MYO3B: variants seen among roughly 807,000 people sequenced by gnomAD.
The protein encoded by MYO3B is myosin IIIB.
A neutral mutation model predicts 174.6 loss-of-function variants in MYO3B; 156 were observed. The ratio of observed to expected loss-of-function variants is 0.89; its 90% confidence interval spans 0.78 to 1.02. The LOEUF (loss-of-function observed/expected upper bound fraction) is 1.02, where lower values mean the gene tolerates loss of function less well. Among genes scored for constraint, MYO3B ranks in the 50% least tolerant of loss-of-function variants. MYO3B has a pLI of 0.00. For missense variants in MYO3B, 1,632 were observed against 1,639.4 expected (o/e 1.00, Z 0.08); for synonymous variants, 563 against 569.1 (o/e 0.99, Z 0.15).
At chr2:170,220,719 C>T (rs1438300636) in intron 6 of MYO3B, among the ~76,000 whole-genome samples, 4 of 151,962 alleles carry the variant, frequency 2.6e-5, no homozygotes, top group Non-Finnish European at 4.4e-5. Context: ...GAAGTGGTTC[C>T]CCTGTTAGCT....
At chr2:170,381,180 G>GTAAA (rs1449028465) in intron 9 of MYO3B, among the ~76,000 whole-genome samples, 1 of 152,024 alleles carries the variant, frequency 6.6e-6, no homozygotes, top group East Asian at 1.9e-4. Context: ...ATCGGACTGA[G>GTAAA]TAAATAAATA....
At chr2:170,291,810 G>C (rs931921354) in intron 7 of MYO3B, among the ~76,000 whole-genome samples, 1 of 151,870 alleles carries the variant, frequency 6.6e-6, no homozygotes, top group Non-Finnish European at 1.5e-5. Flanking sequence ...ACAAATTGGA[G>C]ATCCTTTATA....
chr2:170,185,896 C>T (rs1232921557), intron 1 of MYO3B, among the ~76,000 whole-genome samples: 1 of 151,914 alleles, frequency 6.6e-6, no homozygotes. Context: ...TTATTTGTAG[C>T]TATTGCAAAT....
intron 7 of MYO3B, among the ~76,000 whole-genome samples, chr2:170,238,341 CCTGT>C (rs375603766): frequency 5.3e-5 from 8 of 152,196 alleles, no homozygotes; most frequent in East Asian, 3.9e-4. Context: ...CAGTTCAGTG[CCTGT>C]CTGTCTGTCT....
chr2:170,476,417 G>A (rs971881642), intron 25 of MYO3B, among the ~76,000 whole-genome samples: 2 of 152,166 alleles, frequency 1.3e-5, no homozygotes, highest in Non-Finnish European at 2.9e-5. Flanking sequence ...GAAGAATCAG[G>A]TCATACATGG....
At chr2:170,198,783 G>GT (rs1451326132) in intron 1 of MYO3B, among the ~76,000 whole-genome samples, 1 of 152,166 alleles carries the variant, frequency 6.6e-6, no homozygotes, top group Non-Finnish European at 1.5e-5. Flanking sequence ...TTAGCTCCCA[G>GT]TGTCTATCAG....
chr2:170,284,824 C>T (rs1050071467), intron 7 of MYO3B, among the ~76,000 whole-genome samples: 1 of 152,094 alleles, frequency 6.6e-6, no homozygotes, highest in Non-Finnish European at 1.5e-5. Context: ...CTCTCCTTTC[C>T]TATAGATGAC....
chr2:170,307,242 C>CAA (rs10718469), intron 7 of MYO3B, among the ~76,000 whole-genome samples: 630 of 57,628 alleles, frequency 0.011, 61 homozygotes, highest in Non-Finnish European at 0.016. Context: ...GGCCTTATCT[C>CAA]AAAAAAAAAA....
chr2:170,327,901 T>C (rs1012942273), intron 7 of MYO3B, among the ~76,000 whole-genome samples: 25 of 139,136 alleles, frequency 1.8e-4, no homozygotes, highest in African/African-American at 5.4e-4. Context: ...ATATATATAA[T>C]GTATAAATAT....
At chr2:170,378,163 T>G (rs1249031198) in intron 9 of MYO3B, among the ~76,000 whole-genome samples, 2 of 152,296 alleles carry the variant, frequency 1.3e-5, no homozygotes, top group Non-Finnish European at 2.9e-5. Flanking sequence ...TATAAGCTTA[T>G]GCAAAGTCTA....
rs368413542 is a variant in MYO3B, at chr2:170,353,007, C to T, written c.816-16215C>T. Reference sequence around the variant, plus strand: ...TGGAAGACAGTTTGCTAATTTCTTACAAAAGTAAACATATGCTTACCGTAG... The same window carrying T: ...TGGAAGACAGTTTGCTAATTTCTTATAAAAGTAAACATATGCTTACCGTAG... On this transcript the variant is annotated intron_variant, in intron 8 of 34. Coordinates refer to ENST00000408978, the MANE Select transcript of MYO3B (RefSeq NM_138995.5). 1.4e-4 allele frequency among the ~76,000 whole-genome samples: 22 copies of T among 152,292 alleles called. No individual in the cohort carries two copies. The South Asian group carries it at 1.5e-3, about 10-fold the overall frequency.
At chr2:170,276,935 A>G (rs2093467761) in intron 7 of MYO3B, among the ~76,000 whole-genome samples, 1 of 152,148 alleles carries the variant, frequency 6.6e-6, no homozygotes, top group African/African-American at 2.4e-5. Flanking sequence ...GGGCCATTTT[A>G]TGGATTATAT....
chr2:170,512,381 G>A (rs1688038621), intron 28 of MYO3B, among the ~76,000 whole-genome samples: 1 of 152,214 alleles, frequency 6.6e-6, no homozygotes, highest in Admixed American at 6.5e-5. Context: ...GTCAGTCCAA[G>A]CCAGAAACCA....
intron 32 of MYO3B, among the ~76,000 whole-genome samples, chr2:170,577,951 G>T (rs1026063673): frequency 6.6e-6 from 1 of 152,180 alleles, no homozygotes; most frequent in Non-Finnish European, 1.5e-5. Flanking sequence ...GAACTGGAGG[G>T]TATGTGAGAA....
intron 9 of MYO3B, among the ~76,000 whole-genome samples, chr2:170,374,063 C>T (rs1173877618): frequency 3.3e-5 from 5 of 152,174 alleles, no homozygotes; most frequent in African/African-American, 9.6e-5. Context: ...ATTCAGGACA[C>T]TTGGCACTAG....
chr2:170,616,533 AAC>A (rs1695472809), intron 32 of MYO3B, among the ~76,000 whole-genome samples: 4 of 152,142 alleles, frequency 2.6e-5, no homozygotes, highest in Non-Finnish European at 5.9e-5. Flanking sequence ...ATTCCATAGC[AAC>A]AGTTTCAGGG....
intron 7 of MYO3B, among the ~76,000 whole-genome samples, chr2:170,296,690 A>C (rs1450351348): frequency 6.6e-6 from 1 of 152,194 alleles, no homozygotes; most frequent in Non-Finnish European, 1.5e-5. Flanking sequence ...CTGTAAAAAA[A>C]TACCTGAATC....
chr2:170,548,541 G>A (rs1690686808), intron 32 of MYO3B, among the ~76,000 whole-genome samples: 2 of 152,146 alleles, frequency 1.3e-5, no homozygotes, highest in Non-Finnish European at 2.9e-5. Context: ...TGGGAGAGTG[G>A]CATGATCTGG....
intron 15 of MYO3B, among the ~76,000 whole-genome samples, chr2:170,392,148 C>T (rs2105768901): frequency 6.9e-6 from 1 of 145,772 alleles, no homozygotes; most frequent in East Asian, 2.0e-4. Flanking sequence ...AAAAAATTAG[C>T]TGGGTGTGGT....
Sources: allele counts gnomAD v4.1 joint callset (sites outside exome capture counted in the v4.1 genomes callset), GRCh38; gene constraint gnomAD v4.1.1; transcripts MANE v1.5; gene names NCBI Gene and HGNC (gene_info 2026-07-23, HGNC 2026-07-21).